The following RTN4RL2 variants were observed in gnomAD, a reference collection of about 807,000 sequenced individuals.
The protein encoded by RTN4RL2 is reticulon 4 receptor like 2, also known as reticulon-4 receptor-like 2.
Under a neutral mutation model 27.8 loss-of-function variants are expected in RTN4RL2, and 9 were observed. That is an observed-to-expected ratio of 0.32 (90% CI 0.20 to 0.57). The LOEUF (loss-of-function observed/expected upper bound fraction) is 0.57, where lower values mean the gene tolerates loss of function less well. Among genes scored for constraint, RTN4RL2 ranks in the 20% least tolerant of loss-of-function variants. The probability of loss-of-function intolerance (pLI) is 0.90; values close to 1 mark genes in which losing one functional copy is unlikely to be tolerated. For missense variants in RTN4RL2, 436 were observed against 596.8 expected, an observed-to-expected ratio of 0.73 and a Z score of 2.81; for synonymous variants, 285 against 297.9, an observed-to-expected ratio of 0.96 and a Z score of 0.45.
chr11:57,464,086 G>C (rs2511986), intron 1 of RTN4RL2, among the ~76,000 whole-genome samples: 106,168 of 152,202 alleles, frequency 0.7, 38,309 homozygotes, highest in East Asian at 0.89. Flanking sequence ...CCCCCAGCAC[G>C]GGGTCGCTCT....
chr11:57,462,035 G>A (rs1943488785), intron 1 of RTN4RL2, among the ~76,000 whole-genome samples: 1 of 151,962 alleles, frequency 6.6e-6, no homozygotes, highest in African/African-American at 2.4e-5. Flanking sequence ...GGCCAGATGG[G>A]GGGTGCTTTG....
At chr11:57,471,201 A>G (rs1943560956) in intron 2 of RTN4RL2, among the ~76,000 whole-genome samples, 1 of 148,448 alleles carries the variant, frequency 6.7e-6, no homozygotes, top group Non-Finnish European at 1.5e-5. Context: ...GTGCTACTAT[A>G]CTCCAGCCTG....
chr11:57,462,426 T>C (rs149145874), intron 1 of RTN4RL2, among the ~76,000 whole-genome samples: 1 of 152,208 alleles, frequency 6.6e-6, no homozygotes, highest in Non-Finnish European at 1.5e-5. Flanking sequence ...TGTGGAGCCC[T>C]TGCTTCTCGT....
intron 1 of RTN4RL2, among the ~76,000 whole-genome samples, chr11:57,466,938 G>A (rs1315649791): frequency 2.0e-5 from 3 of 152,184 alleles, no homozygotes; most frequent in African/African-American, 4.8e-5. Flanking sequence ...GGAACTATCC[G>A]GCCCAACTGT....
rs1210171962 is a variant in RTN4RL2, at chr11:57,467,163, C to T, written c.32-446C>T. 6.6e-6 allele frequency among the ~76,000 whole-genome samples: 1 copy of T among 152,220 alleles called. No homozygotes were observed. The highest frequency in any genetic ancestry group is 1.5e-5 in the Non-Finnish European group (1 of 68,034). On this transcript the variant is annotated intron_variant, in intron 1 of 2. Transcript: ENST00000335099. The surrounding 1 kb of genome is among the most constrained non-coding windows in gnomAD (Gnocchi z 5.5). ...CCACTTGAGGCTATAACGTTGTCCCCTGAGCCCCCAGACATGGGAGCACCA... is the reference window on the plus strand; with the variant it reads ...CCACTTGAGGCTATAACGTTGTCCCTTGAGCCCCCAGACATGGGAGCACCA...
chr11:57,470,375 G>C (rs1369199564), intron 2 of RTN4RL2, among the ~76,000 whole-genome samples: 1 of 152,058 alleles, frequency 6.6e-6, no homozygotes, highest in South Asian at 2.1e-4. Flanking sequence ...AGCCTCCTGA[G>C]TAACTAAGAT....
intron 1 of RTN4RL2, among the ~76,000 whole-genome samples, chr11:57,462,487 C>T (rs557240044): frequency 6.6e-6 from 1 of 152,310 alleles, no homozygotes; most frequent in African/African-American, 2.4e-5. Flanking sequence ...GCTGCCTTTC[C>T]AGGGAGCATC....
intron 1 of RTN4RL2, among the ~76,000 whole-genome samples, chr11:57,463,424 A>G (rs1218489904): frequency 6.6e-6 from 1 of 152,014 alleles, no homozygotes; most frequent in Non-Finnish European, 1.5e-5. Flanking sequence ...TCCTCTGTCC[A>G]TGAAGTAGTG....
chr11:57,465,584 T>C (rs901292103), intron 1 of RTN4RL2, among the ~76,000 whole-genome samples: 5 of 152,108 alleles, frequency 3.3e-5, no homozygotes, highest in Non-Finnish European at 7.4e-5. Context: ...GCTCCCTTTT[T>C]CCCCAGGCAA....
rs1391277384 is a variant in RTN4RL2, at chr11:57,460,841, C to T, written c.-25C>T. 2 of 1,394,452 alleles carry T rather than the reference C, an allele frequency of 1.4e-6. No homozygotes were observed. Among genetic ancestry groups the T allele is most frequent in the African/African-American group, 3.0e-5 (2 of 66,396 alleles). 86.4% of individuals were successfully genotyped at this position (1,394,452 alleles called of 1,614,324 possible). A position where few individuals can be genotyped will look rare whatever the true frequency, so the allele number is the denominator to read the frequency against. On this transcript the variant is annotated 5_prime_UTR_variant, in exon 1 of 3. Transcript: ENST00000335099. ...AGTGGGAGCGCCCTCCCCCCGCTGCCCCCTCCCCCGAGCATCGAGACAAGA... is the reference window on the plus strand; with the variant it reads ...AGTGGGAGCGCCCTCCCCCCGCTGCTCCCTCCCCCGAGCATCGAGACAAGA...
In RTN4RL2 at chr11:57,476,792, GAGC is replaced by G; in HGVS notation, c.1147_1149del (p.Gln383del). 6.6e-7 allele frequency: 1 copy of G among 1,520,848 alleles called. No homozygotes were observed. The highest frequency in any genetic ancestry group is 8.8e-7 in the Non-Finnish European group (1 of 1,141,360). 94.2% of individuals were successfully genotyped at this position (1,520,848 alleles called of 1,614,324 possible). ...CTACGGGGGTGAGGACCAGCGAGGG[GAGC>G]AGATGTGCCCCGGCGCTGCCTGCCA... On this transcript the variant is annotated inframe_deletion, in exon 3 of 3. Transcript: ENST00000335099. The surrounding 1 kb of genome is among the most constrained non-coding windows in gnomAD (Gnocchi z 8.2).
chr11:57,463,156 G>A (rs182674089), intron 1 of RTN4RL2, among the ~76,000 whole-genome samples: 7 of 152,294 alleles, frequency 4.6e-5, no homozygotes, highest in Non-Finnish European at 8.8e-5. Flanking sequence ...ATGACCTGAG[G>A]CCACTGTGTC....
intron 2 of RTN4RL2, chr11:57,468,874 T>G (rs1256597768): frequency 1.4e-5 from 12 of 884,706 alleles, no homozygotes; most frequent in Non-Finnish European, 2.0e-5. Context: ...ATTATTGATC[T>G]AATTATTGTT....
chr11:57,468,161 A>G (rs1943540146), intron 2 of RTN4RL2, 71 bp downstream of exon 2: 1 of 1,481,812 alleles, frequency 6.7e-7, no homozygotes, highest in Admixed American at 2.1e-5. Context: ...CTGCTCCCCG[A>G]CCCTGGCGTG....
At chr11:57,468,719 G>A (rs1341179033) in intron 2 of RTN4RL2, 4 of 1,536,096 alleles carry the variant, frequency 2.6e-6, no homozygotes, top group Non-Finnish European at 3.5e-6. Context: ...GACGGGAGAA[G>A]CCCACACCCC....
chr11:57,461,468 G>C (rs1039470696), intron 1 of RTN4RL2, among the ~76,000 whole-genome samples: 1 of 151,332 alleles, frequency 6.6e-6, no homozygotes, highest in African/African-American at 2.4e-5. Context: ...GGGGGAGAGG[G>C]ATAGGAAGGA....
In RTN4RL2 at chr11:57,477,233, C is replaced by A; in HGVS notation, c.*322C>A. On this transcript the variant is annotated 3_prime_UTR_variant, in exon 3 of 3. Coordinates refer to ENST00000335099, the MANE Select transcript of RTN4RL2 (RefSeq NM_178570.3). ...CGCACTCCTAAGGGCCCACAGCGGA[C>A]ACCAGAGGGGCTTTTGTCTGCAGAG... is the stretch of plus-strand genomic sequence containing the variant. The A allele has an allele frequency of 3.4e-6, 1 of 297,778 alleles. No individual in the cohort carries two copies. Among genetic ancestry groups the A allele is most frequent in the African/African-American group, 2.2e-5 (1 of 46,268 alleles). 18.4% of individuals were successfully genotyped at this position (297,778 alleles called of 1,614,324 possible).
At chr11:57,475,338 A>G (rs1303920363) in intron 2 of RTN4RL2, among the ~76,000 whole-genome samples, 2 of 152,130 alleles carry the variant, frequency 1.3e-5, no homozygotes, top group Non-Finnish European at 2.9e-5. Context: ...TGTGGGCTTC[A>G]TAATTGGACC....
At chr11:57,469,784 A>C (rs1161636479) in intron 2 of RTN4RL2, among the ~76,000 whole-genome samples, 1 of 152,188 alleles carries the variant, frequency 6.6e-6, no homozygotes, top group Non-Finnish European at 1.5e-5. Context: ...CAGCCACCTC[A>C]TCTCATTTCT....
Sources: allele counts gnomAD v4.1 joint callset (sites outside exome capture counted in the v4.1 genomes callset), GRCh38; gene constraint gnomAD v4.1.1; non-coding constraint Gnocchi (gnomAD v3.1); transcripts MANE v1.5; gene names NCBI Gene and HGNC (gene_info 2026-07-23, HGNC 2026-07-21).